MARCHF1: variants seen among roughly 807,000 people sequenced by gnomAD.
MARCHF1 encodes the protein membrane associated ring-CH-type finger 1, also known as E3 ubiquitin-protein ligase MARCHF1.
In MARCHF1, 40 loss-of-function variants were observed where a neutral mutation model predicts 54.2. That is an observed-to-expected ratio of 0.74 (90% CI 0.57 to 0.96). MARCHF1 has a LOEUF of 0.96. Ranked by LOEUF, MARCHF1 falls within the 40% of genes least tolerant of loss-of-function variation. The pLI, the probability that MARCHF1 is intolerant of heterozygous loss-of-function variation, is 0.00. For synonymous variants in MARCHF1, 236 were observed against 236.3 expected, an observed-to-expected ratio of 1.00 and a Z score of 0.01; for missense variants, 586 against 656.5, an observed-to-expected ratio of 0.89 and a Z score of 1.17.
intron 1 of MARCHF1, among the ~76,000 whole-genome samples, chr4:164,327,206 G>T (rs1735306983): frequency 6.6e-6 from 1 of 152,092 alleles, no homozygotes; most frequent in Admixed American, 6.6e-5. Flanking sequence ...ACCAACAATT[G>T]CAAGTCATTG....
chr4:163,786,060 T>A (rs1476896466), intron 4 of MARCHF1, among the ~76,000 whole-genome samples: 1 of 151,908 alleles, frequency 6.6e-6, no homozygotes, highest in Non-Finnish European at 1.5e-5. Context: ...CCTCAACAGC[T>A]GAAAAAGGCC....
chr4:164,122,232 T>C (rs1416520539), intron 1 of MARCHF1, among the ~76,000 whole-genome samples: 1 of 152,012 alleles, frequency 6.6e-6, no homozygotes, highest in Non-Finnish European at 1.5e-5. Flanking sequence ...GATACAAGAG[T>C]TAAGAAACAT....
At chr4:163,952,328 C>T (rs959860513) in intron 3 of MARCHF1, among the ~76,000 whole-genome samples, 1 of 152,078 alleles carries the variant, frequency 6.6e-6, no homozygotes, top group African/African-American at 2.4e-5. Flanking sequence ...GTTGGGTAGA[C>T]TTCTCTCATA....
intron 4 of MARCHF1, among the ~76,000 whole-genome samples, chr4:163,819,491 A>T (rs1427827261): frequency 1.3e-5 from 2 of 152,044 alleles, no homozygotes; most frequent in Non-Finnish European, 1.5e-5. Context: ...CCCAAACTTA[A>T]AAAAGCCCTA....
At chr4:163,596,489 G>A (rs1173935387) in intron 7 of MARCHF1, among the ~76,000 whole-genome samples, 1 of 143,130 alleles carries the variant, frequency 7.0e-6, no homozygotes, top group East Asian at 2.0e-4. Context: ...ACAGTGAGCC[G>A]AGATTGTACC....
intron 2 of MARCHF1, among the ~76,000 whole-genome samples, chr4:164,086,778 T>C (rs569434839): frequency 1.3e-5 from 2 of 152,178 alleles, no homozygotes; most frequent in East Asian, 3.9e-4. Context: ...CTGTAAATGA[T>C]TTTTCATTAT....
At chr4:164,050,268 C>T (rs993776053) in intron 2 of MARCHF1, among the ~76,000 whole-genome samples, 1 of 90,064 alleles carries the variant, frequency 1.1e-5, no homozygotes, top group East Asian at 6.9e-4. Context: ...GAGCGAGACA[C>T]TGTCTCCAAA....
At chr4:164,009,672 C>T (rs1163519150) in intron 2 of MARCHF1, among the ~76,000 whole-genome samples, 1 of 151,928 alleles carries the variant, frequency 6.6e-6, no homozygotes, top group Admixed American at 6.6e-5. Flanking sequence ...ATCACATTAA[C>T]AGAATCAAGA....
intron 4 of MARCHF1, among the ~76,000 whole-genome samples, chr4:163,824,631 T>G (rs1221163609): frequency 1.2e-5 from 1 of 86,356 alleles, no homozygotes; most frequent in Non-Finnish European, 2.7e-5. Context: ...AAAGCCAAAA[T>G]TGACAAATGG....
chr4:164,282,729 A>C (rs1012504213), intron 1 of MARCHF1, among the ~76,000 whole-genome samples: 1 of 151,302 alleles, frequency 6.6e-6, no homozygotes, highest in African/African-American at 2.4e-5. Context: ...GAAATCTGAG[A>C]GACCAGAACA....
chr4:164,329,490 G>A (rs1201078751), intron 1 of MARCHF1, among the ~76,000 whole-genome samples: 2 of 152,186 alleles, frequency 1.3e-5, no homozygotes, highest in Admixed American at 1.3e-4. Context: ...CAAGGGCTGA[G>A]CCCCATCTAC....
chr4:164,034,249 C>A (rs1321388086), intron 2 of MARCHF1, among the ~76,000 whole-genome samples: 2 of 152,110 alleles, frequency 1.3e-5, no homozygotes, highest in Admixed American at 1.3e-4. Context: ...CCAAACACCA[C>A]ATGTTCTCAC....
At chr4:163,876,931 G>A (rs2111232768) in intron 3 of MARCHF1, among the ~76,000 whole-genome samples, 1 of 152,124 alleles carries the variant, frequency 6.6e-6, no homozygotes, top group Admixed American at 6.5e-5. Flanking sequence ...TAATAATAAT[G>A]ATAATTAATA....
chr4:164,207,021 G>A (rs922566281), intron 1 of MARCHF1, among the ~76,000 whole-genome samples: 6 of 152,244 alleles, frequency 3.9e-5, no homozygotes, highest in Admixed American at 3.3e-4. Flanking sequence ...GATATTGACT[G>A]AGAATTTACT....
Position 164,014,906 on chromosome 4 carries a change from G to A in MARCHF1, c.-247-26197C>T, listed in dbSNP as rs72687978. Among the ~76,000 whole-genome samples, 345 of 152,262 alleles carry A rather than the reference G, an allele frequency of 2.3e-3. 1 individual carries two copies. The highest frequency in any genetic ancestry group is 4.1e-3 in the Non-Finnish European group (277 of 68,010). ...GCAAATATTATTAGAGCTAAAGAGA[G>A]AGAGAGATCTCAATACCATAATAGC... On this transcript the variant is annotated intron_variant, in intron 2 of 9. Coordinates refer to ENST00000514618, the MANE Select transcript of MARCHF1 (RefSeq NM_001394959.1).
rs567644498 is a variant in MARCHF1 at position 163,900,344 on chromosome 4, T to G, written c.-38-46175A>C. On this transcript the variant is annotated intron_variant, in intron 3 of 9. Coordinates refer to ENST00000514618, the MANE Select transcript of MARCHF1 (RefSeq NM_001394959.1). ...CTACCCACAGAGTATAGGTCCTTTTTTTTTTTTAAAAAAACTCTCCAATGT... is the reference window on the plus strand; with the variant it reads ...CTACCCACAGAGTATAGGTCCTTTTGTTTTTTTAAAAAAACTCTCCAATGT... 2.1e-5 allele frequency among the ~76,000 whole-genome samples: 3 copies of G among 143,824 alleles called. No homozygotes were observed. The South Asian group carries it at 7.2e-4, about 35-fold the overall frequency. The allele number at this position is 143,824 out of a possible 152,430, so 94.4% of individuals were successfully genotyped here.
chr4:164,277,421 C>A (rs1425587838), intron 1 of MARCHF1, among the ~76,000 whole-genome samples: 1 of 152,250 alleles, frequency 6.6e-6, no homozygotes, highest in African/African-American at 2.4e-5. Flanking sequence ...AATGCAGACA[C>A]TTTCTACTTC....
Position 164,176,964 on chromosome 4 carries a change from CTCTCTCTCTCT to C in MARCHF1, c.-322-65313_-322-65303del, listed in dbSNP as rs1432615761. On this transcript the variant is annotated intron_variant, in intron 1 of 9. Transcript: ENST00000514618. The stretch of plus-strand genomic sequence containing the variant: ...GCGCTCTCTCTCTCTCTCTCTCTCT[CTCTCTCTCTCT>C]CTCTCTATATATATATATATATATA... Among the ~76,000 whole-genome samples the C allele has an allele frequency of 3.8e-3, 183 of 47,704 alleles. 23 individuals carry two copies. Among genetic ancestry groups the C allele is most frequent in the Admixed American group, 0.012 (47 of 3,972 alleles). 31.3% of individuals were successfully genotyped at this position (47,704 alleles called of 152,430 possible).
At chr4:163,635,755 T>G (rs1030301707) in intron 5 of MARCHF1, among the ~76,000 whole-genome samples, 32 of 152,116 alleles carry the variant, frequency 2.1e-4, no homozygotes, top group Admixed American at 3.3e-4. Flanking sequence ...GAGGCCAGCA[T>G]CATTCTGATA....
Sources: allele counts gnomAD v4.1 joint callset (sites outside exome capture counted in the v4.1 genomes callset), GRCh38; gene constraint gnomAD v4.1.1; transcripts MANE v1.5; gene names NCBI Gene and HGNC (gene_info 2026-07-23, HGNC 2026-07-21).